BCAS3: variants seen among roughly 807,000 people sequenced by gnomAD.
BCAS3 encodes the protein BCAS3 microtubule associated cell migration factor.
In BCAS3, 53 loss-of-function variants were observed where a neutral mutation model predicts 116.1. That is an observed-to-expected ratio of 0.46 (90% confidence interval 0.37 to 0.57). BCAS3 has a LOEUF of 0.57. BCAS3 is among the 20% of genes least tolerant of loss of function. BCAS3 has a pLI of 0.00. For missense variants in BCAS3, 917 were observed against 1,165.4 expected (o/e 0.79, Z 3.10); for synonymous variants, 391 against 408.2 (o/e 0.96, Z 0.51).
intron 22 of BCAS3, among the ~76,000 whole-genome samples, chr17:61,263,757 A>G (rs911381957): frequency 1.2e-4 from 19 of 152,254 alleles, no homozygotes; most frequent in African/African-American, 4.6e-4. Flanking sequence ...TAATTAAAGC[A>G]GAATGGTATT....
chr17:60,847,188 A>G (rs2052615002), intron 7 of BCAS3, among the ~76,000 whole-genome samples: 1 of 152,140 alleles, frequency 6.6e-6, no homozygotes, highest in East Asian at 1.9e-4. Context: ...ATTACATTGT[A>G]TATTTTGTAT....
Position 61,251,439 on chromosome 17 carries a change from G to A in BCAS3, c.2426-116888G>A, listed in dbSNP as rs192705662. 4.6e-5 allele frequency among the ~76,000 whole-genome samples: 7 copies of A among 152,100 alleles called. No individual in the cohort carries two copies. The highest frequency in any genetic ancestry group is 2.6e-4 in the Admixed American group (4 of 15,272). The stretch of plus-strand genomic sequence containing the variant: ...CAAAAAATTAGCCGGGCCTGGTGGC[G>A]GGCGCCTATAATCCCAACTACTAGG... On this transcript the variant is annotated intron_variant, in intron 22 of 23. Coordinates refer to ENST00000407086, the MANE Select transcript of BCAS3 (RefSeq NM_017679.5). The surrounding 1 kb of genome is among the most constrained non-coding windows in gnomAD (Gnocchi z 4.7).
In BCAS3 at chr17:61,343,164, G is replaced by T. The variant is rs927184954; in HGVS notation, c.2426-25163G>T. Among the ~76,000 whole-genome samples, 1 of 152,188 alleles carries T rather than the reference G, an allele frequency of 6.6e-6. No individual in the cohort carries two copies. Among genetic ancestry groups the T allele is most frequent in the African/African-American group, 2.4e-5 (1 of 41,434 alleles). On this transcript the variant is annotated intron_variant, in intron 22 of 23. Coordinates refer to ENST00000407086, the MANE Select transcript of BCAS3 (RefSeq NM_017679.5). The surrounding 1 kb of genome is among the most constrained non-coding windows in gnomAD (Gnocchi z 5.5). The stretch of plus-strand genomic sequence containing the variant: ...AATTCGTGGAGGGGTGGCACCAAAT[G>T]CCTCTATCATCCCTCTCTGCCATGG...
At chr17:60,973,620 T>TCTTGCC (rs2062112218) in intron 14 of BCAS3, among the ~76,000 whole-genome samples, 1 of 149,788 alleles carries the variant, frequency 6.7e-6, no homozygotes, top group Non-Finnish European at 1.5e-5. Flanking sequence ...TATGAAGGAG[T>TCTTGCC]CTTGCTCTGT....
chr17:60,949,177 A>G (rs535152506), intron 14 of BCAS3, among the ~76,000 whole-genome samples: 1 of 152,238 alleles, frequency 6.6e-6, no homozygotes, highest in African/African-American at 2.4e-5. Flanking sequence ...GCCCAGCCTC[A>G]CGGAAATATT....
chr17:61,246,187 A>G (rs1192441579), intron 22 of BCAS3, among the ~76,000 whole-genome samples: 1 of 152,092 alleles, frequency 6.6e-6, no homozygotes, highest in African/African-American at 2.4e-5. Context: ...TAGCTTTTAA[A>G]TAGGTTGCTA....
chr17:61,213,180 T>C lies in BCAS3; in HGVS notation c.2425+128616T>C, dbSNP rs2081573448. Among the ~76,000 whole-genome samples the C allele has an allele frequency of 6.6e-6, 1 of 152,156 alleles. No individual in the cohort carries two copies. Among genetic ancestry groups the C allele is most frequent in the Non-Finnish European group, 1.5e-5 (1 of 68,016 alleles). On this transcript the variant is annotated intron_variant, in intron 22 of 23. Transcript: ENST00000407086. The surrounding 1 kb of genome is among the most constrained non-coding windows in gnomAD (Gnocchi z 5.4). Reference sequence around the variant, plus strand: ...TTGTTTGTTTGTTTGTTTTTTGTTTTTTGTTTTGAGATTGAGTCTCACTCT... The same window carrying C: ...TTGTTTGTTTGTTTGTTTTTTGTTTCTTGTTTTGAGATTGAGTCTCACTCT...
In BCAS3 at chr17:61,180,477, A is replaced by G. The variant is rs1245507500; in HGVS notation, c.2425+95913A>G. On this transcript the variant is annotated intron_variant, in intron 22 of 23. Coordinates refer to ENST00000407086, the MANE Select transcript of BCAS3 (RefSeq NM_017679.5). The surrounding 1 kb of genome is among the most constrained non-coding windows in gnomAD (Gnocchi z 6.0). ...TTCTGGCCCAGTGTTGTCAGAGGAT[A>G]TGAAAGAAATAATGAAAATTCTCCC... Among the ~76,000 whole-genome samples, 1 of 152,260 alleles carries G rather than the reference A, an allele frequency of 6.6e-6. No homozygotes were observed. The highest frequency in any genetic ancestry group is 1.5e-5 in the Non-Finnish European group (1 of 68,052).
intron 15 of BCAS3, among the ~76,000 whole-genome samples, chr17:60,992,007 C>T (rs1423683489): frequency 6.6e-6 from 1 of 152,026 alleles, no homozygotes; most frequent in Non-Finnish European, 1.5e-5. Flanking sequence ...TTGATCTGTT[C>T]ATTCACTGAG....
chr17:61,388,619 GA>G lies in BCAS3; in HGVS notation c.2594-3349del, dbSNP rs756350876. 113 of 1,507,126 alleles carry G rather than the reference GA, an allele frequency of 7.5e-5. No individual in the cohort carries two copies. The highest frequency in any genetic ancestry group is 1.7e-4 in the Middle Eastern group (1 of 5,870). The allele number at this position is 1,507,126 out of a possible 1,614,324, so 93.4% of individuals were successfully genotyped here. On this transcript the variant is annotated intron_variant, in intron 23 of 23. Transcript: ENST00000407086. The surrounding 1 kb of genome is among the most constrained non-coding windows in gnomAD (Gnocchi z 6.5). ...CCTCAATGCTTTTCTTTTCAAAAGGGAAAAAAAAAGGAAAAAAAAAACAATG... is the reference window on the plus strand; with the variant it reads ...CCTCAATGCTTTTCTTTTCAAAAGGGAAAAAAAAGGAAAAAAAAAACAATG...
At position 60,727,448 on chromosome 17, in the gene BCAS3, C is replaced by G. The variant is rs891444018; in HGVS notation, c.321+18123C>G. 32 of 1,575,140 alleles carry G rather than the reference C, an allele frequency of 2.0e-5. No homozygotes were observed. In the African/African-American group the frequency reaches 3.0e-4, roughly 15 times the overall value. On this transcript the variant is annotated intron_variant, in intron 5 of 23. Transcript: ENST00000407086. ...AGGCTGATGCTTGCCACACTTCTTA[C>G]AGAAGGTTCTTCGGGTTTTAGGTAC...
At chr17:60,768,594 C>T (rs189570294) in intron 6 of BCAS3, among the ~76,000 whole-genome samples, 17 of 152,274 alleles carry the variant, frequency 1.1e-4, no homozygotes, top group Admixed American at 2.0e-4. Context: ...TTAGTAAACT[C>T]CCCTTTTTTA....
rs1055291550 is a variant in BCAS3, at chr17:61,349,279, C to G, written c.2426-19048C>G. 7.9e-5 allele frequency among the ~76,000 whole-genome samples: 12 copies of G among 152,130 alleles called. No homozygotes were observed. Among genetic ancestry groups the G allele is most frequent in the African/African-American group, 2.9e-4 (12 of 41,420 alleles). On this transcript the variant is annotated intron_variant, in intron 22 of 23. Coordinates refer to ENST00000407086, the MANE Select transcript of BCAS3 (RefSeq NM_017679.5). The surrounding 1 kb of genome is among the most constrained non-coding windows in gnomAD (Gnocchi z 4.7). ...GTTCTTTCCAACTGCACAAATCACA[C>G]CCCCACTCTCCCACCCTACACCCTA... is the stretch of plus-strand genomic sequence containing the variant.
At chr17:60,719,903 T>C (rs2039051786) in intron 5 of BCAS3, among the ~76,000 whole-genome samples, 1 of 152,202 alleles carries the variant, frequency 6.6e-6, no homozygotes, top group South Asian at 2.1e-4. Flanking sequence ...TAAAGATGTT[T>C]CCAGAGTCTT....
intron 22 of BCAS3, among the ~76,000 whole-genome samples, chr17:61,125,283 T>G (rs2075993383): frequency 6.6e-6 from 1 of 152,148 alleles, no homozygotes; most frequent in African/African-American, 2.4e-5. Context: ...TCAGATAAAT[T>G]TTGTGAATTA....
In BCAS3 at chr17:61,008,719, A is replaced by G. The variant is rs1308249242; in HGVS notation, c.1487-7032A>G. 6.6e-6 allele frequency among the ~76,000 whole-genome samples: 1 copy of G among 152,068 alleles called. No individual in the cohort carries two copies. Among genetic ancestry groups the G allele is most frequent in the African/African-American group, 2.4e-5 (1 of 41,434 alleles). Reference sequence around the variant, plus strand: ...ATAAAAAATAAAAAAATAAAAAAAAAGGCCCCGTAGAACTCATCATCTAGT... The same window carrying G: ...ATAAAAAATAAAAAAATAAAAAAAAGGGCCCCGTAGAACTCATCATCTAGT... On this transcript the variant is annotated intron_variant, in intron 15 of 23. Transcript: ENST00000407086. This position sits in a 1 kb window ranked among gnomAD's most constrained non-coding sequence, Gnocchi z 4.6.
chr17:61,086,468 G>A (rs1164662873), intron 22 of BCAS3, among the ~76,000 whole-genome samples: 1 of 152,172 alleles, frequency 6.6e-6, no homozygotes, highest in Non-Finnish European at 1.5e-5. Context: ...GAGCTTCAGT[G>A]AACTGTTATT....
rs139878155 is a variant in BCAS3 at position 61,105,332 on chromosome 17, G to C, written c.2425+20768G>C. Among the ~76,000 whole-genome samples, 1 of 152,238 alleles carries C rather than the reference G, an allele frequency of 6.6e-6. No individual in the cohort carries two copies. The highest frequency in any genetic ancestry group is 1.5e-5 in the Non-Finnish European group (1 of 68,016). On this transcript the variant is annotated intron_variant, in intron 22 of 23. Transcript: ENST00000407086. The surrounding 1 kb of genome is among the most constrained non-coding windows in gnomAD (Gnocchi z 4.3). ...AGGAGGAGCTAGTTCCATTTGTGAGGTTTTCAATAAAACTTAAGTGGAATG... is the reference window on the plus strand; with the variant it reads ...AGGAGGAGCTAGTTCCATTTGTGAGCTTTTCAATAAAACTTAAGTGGAATG...
At chr17:61,022,832 G>A (rs2065973444) in intron 16 of BCAS3, among the ~76,000 whole-genome samples, 1 of 151,782 alleles carries the variant, frequency 6.6e-6, no homozygotes, top group South Asian at 2.1e-4. Flanking sequence ...GAAGAGATAG[G>A]TCTTGCTGTA....
Sources: gnomAD v4.1 joint callset for allele counts (sites outside exome capture counted in the v4.1 genomes callset) on GRCh38, gnomAD v4.1.1 for gene constraint, Gnocchi (gnomAD v3.1) non-coding constraint, MANE v1.5 for transcripts, NCBI Gene and HGNC (gene_info 2026-07-23, HGNC 2026-07-21) for gene names.